Variants in SAMD5 observed in about 807,000 individuals in gnomAD.
The protein encoded by SAMD5 is sterile alpha motif domain containing 5.
A neutral mutation model predicts 11.3 loss-of-function variants in SAMD5; 13 were observed. The ratio of observed to expected loss-of-function variants is 1.15; its 90% confidence interval spans 0.75 to 1.83. SAMD5 has a LOEUF of 1.83. Ranked by LOEUF, SAMD5 falls within the 40% of genes most tolerant of loss-of-function variation. The probability of loss-of-function intolerance (pLI) is 0.00; values close to 1 mark genes in which losing one functional copy is unlikely to be tolerated. For synonymous variants in SAMD5, 129 were observed against 111.3 expected (o/e 1.16, Z -1.00); for missense variants, 255 against 239.1 (o/e 1.07, Z -0.44).
At chr6:147,936,591 A>G in the SAMD5 span, among the ~76,000 whole-genome samples, 1 of 152,276 alleles carries the variant, frequency 6.6e-6, no homozygotes, top group East Asian at 1.9e-4. Flanking sequence ...ACCAGATCCC[A>G]CCTCCAATAC....
chr6:147,928,503 C>T, the SAMD5 span, among the ~76,000 whole-genome samples: 4 of 151,914 alleles, frequency 2.6e-5, no homozygotes, highest in Non-Finnish European at 2.9e-5. Context: ...CTGTGGCATC[C>T]GTGGTAACAT....
chr6:147,910,421 C>G, the SAMD5 span, among the ~76,000 whole-genome samples: 1 of 152,184 alleles, frequency 6.6e-6, no homozygotes, highest in African/African-American at 2.4e-5. Context: ...CTGCTGCCAC[C>G]TGCTACTCTC....
intron 1 of SAMD5, among the ~76,000 whole-genome samples, chr6:147,709,528 AAG>A (rs1245963303): frequency 6.6e-6 from 1 of 152,194 alleles, no homozygotes; most frequent in Non-Finnish European, 1.5e-5. Context: ...TAATTCTGTA[AAG>A]AGTGCTCTCC....
chr6:147,948,722 C>G, the SAMD5 span, among the ~76,000 whole-genome samples: 7 of 151,730 alleles, frequency 4.6e-5, no homozygotes, highest in Non-Finnish European at 8.8e-5. Flanking sequence ...GGGAAGGGTT[C>G]TTTTTTGGTT....
the SAMD5 span, among the ~76,000 whole-genome samples, chr6:147,850,009 A>G: frequency 6.6e-6 from 1 of 152,248 alleles, no homozygotes; most frequent in South Asian, 2.1e-4. Flanking sequence ...GTATGAGTTA[A>G]GAGCAGTCTG....
At chr6:147,790,775 TCTCTC>T in the SAMD5 span, among the ~76,000 whole-genome samples, 1 of 51,380 alleles carries the variant, frequency 1.9e-5, no homozygotes, top group Non-Finnish European at 5.0e-5. Context: ...TCTCTTTCTC[TCTCTC>T]TCTCTCTCTC....
the SAMD5 span, among the ~76,000 whole-genome samples, chr6:147,875,853 A>G: frequency 6.6e-6 from 1 of 152,176 alleles, no homozygotes; most frequent in Non-Finnish European, 1.5e-5. Flanking sequence ...AAACAAACTC[A>G]GGGTTCCCAC....
chr6:147,599,087 G>T (rs1479413776), intron 1 of SAMD5, among the ~76,000 whole-genome samples: 1 of 152,188 alleles, frequency 6.6e-6, no homozygotes, highest in Non-Finnish European at 1.5e-5. Context: ...ATGAGGGAGA[G>T]TTCCAAGAGG....
the SAMD5 span, among the ~76,000 whole-genome samples, chr6:147,876,619 G>C: frequency 3.3e-5 from 5 of 152,196 alleles, no homozygotes; most frequent in Non-Finnish European, 7.3e-5. Flanking sequence ...TCTATTATCT[G>C]CAGTACACTT....
chr6:147,825,653 C>T, the SAMD5 span, among the ~76,000 whole-genome samples: 4 of 151,954 alleles, frequency 2.6e-5, no homozygotes, highest in Non-Finnish European at 2.9e-5. Flanking sequence ...ATCTTAATTT[C>T]CTTTGGTAAG....
intron 1 of SAMD5, among the ~76,000 whole-genome samples, chr6:147,678,698 A>G (rs1331384300): frequency 6.6e-6 from 1 of 152,202 alleles, no homozygotes; most frequent in African/African-American, 2.4e-5. Context: ...CCATAAAAGA[A>G]CGCCTTGAGA....
intron 1 of SAMD5, among the ~76,000 whole-genome samples, chr6:147,674,040 GAC>G (rs1790831418): frequency 1.3e-5 from 2 of 152,208 alleles, no homozygotes; most frequent in Admixed American, 1.3e-4. Flanking sequence ...TTATGCTAAT[GAC>G]ACAATGTTGT....
intron 1 of SAMD5, among the ~76,000 whole-genome samples, chr6:147,721,934 A>G (rs968757429): frequency 8.5e-5 from 13 of 152,328 alleles, no homozygotes; most frequent in Admixed American, 1.3e-4. Flanking sequence ...TGATGTTCCA[A>G]TACAGAAACT....
the SAMD5 span, among the ~76,000 whole-genome samples, chr6:147,901,631 G>T: frequency 6.8e-6 from 1 of 146,020 alleles, no homozygotes. Context: ...TGGAACTAAA[G>T]TATGAGGATA....
the SAMD5 span, among the ~76,000 whole-genome samples, chr6:147,894,374 G>A: frequency 2.6e-5 from 4 of 152,024 alleles, no homozygotes; most frequent in South Asian, 4.2e-4. Context: ...CGCCTGCATC[G>A]GCCTCCCAAA....
chr6:147,548,683 CT>C (rs1788722443), intron 1 of SAMD5, among the ~76,000 whole-genome samples: 2 of 152,066 alleles, frequency 1.3e-5, no homozygotes, highest in South Asian at 4.1e-4. Flanking sequence ...GATCTGCTTT[CT>C]TGATTAGGAC....
At chr6:147,877,047 A>G in the SAMD5 span, among the ~76,000 whole-genome samples, 1 of 151,398 alleles carries the variant, frequency 6.6e-6, no homozygotes, top group Admixed American at 6.6e-5. Flanking sequence ...GACCTAATGA[A>G]ATTCTTTTTT....
chr6:147,561,294 T>A (rs951851901), intron 1 of SAMD5, among the ~76,000 whole-genome samples: 3 of 152,118 alleles, frequency 2.0e-5, no homozygotes, highest in African/African-American at 7.2e-5. Flanking sequence ...TTCAAGCCAT[T>A]CTCCTGCCTC....
At chr6:147,606,408 C>CA (rs907800520) in intron 1 of SAMD5, among the ~76,000 whole-genome samples, 202 of 143,102 alleles carry the variant, frequency 1.4e-3, no homozygotes, top group African/African-American at 4.3e-3. Context: ...CTAAACAGAA[C>CA]AAAAAAAAAA....
Sources: allele counts gnomAD v4.1 joint callset (sites outside exome capture counted in the v4.1 genomes callset), GRCh38; gene constraint gnomAD v4.1.1; transcripts MANE v1.5; gene names NCBI Gene and HGNC (gene_info 2026-07-23, HGNC 2026-07-21).